Variants in COL5A2 observed in about 807,000 individuals in gnomAD.
COL5A2 encodes collagen type V alpha 2 chain.
COL5A2 carries 23 observed loss-of-function variants against 208.2 expected under a neutral mutation model. The observed-to-expected ratio is 0.11, with a 90% confidence interval of 0.08 to 0.16. The LOEUF is 0.16. Ranked by LOEUF, COL5A2 falls within the 10% of genes least tolerant of loss-of-function variation. COL5A2 has a pLI of 1.00. For missense variants in COL5A2, 1,590 were observed against 1,956.4 expected (o/e 0.81, Z 3.53); for synonymous variants, 625 against 628.5 (o/e 0.99, Z 0.08).
the COL5A2 span, among the ~76,000 whole-genome samples, chr2:189,387,044 G>C: frequency 1.3e-5 from 2 of 152,190 alleles, no homozygotes; most frequent in East Asian, 3.9e-4. Flanking sequence ...ATTCACAATA[G>C]CAAAAACATG....
intron 1 of COL5A2, among the ~76,000 whole-genome samples, chr2:189,166,373 T>C (rs7606163): frequency 0.99 from 150,716 of 152,150 alleles, 74,664 homozygotes; most frequent in Middle Eastern, 1. Flanking sequence ...AGGGACATTA[T>C]GGGCAGAGAA....
chr2:189,053,214 C>CTAATAAATAAAATT (rs1685829466), intron 38 of COL5A2, among the ~76,000 whole-genome samples, 196 bp from the exon 39 acceptor site: 1 of 152,076 alleles, frequency 6.6e-6, no homozygotes, highest in Non-Finnish European at 1.5e-5. Context: ...TATCCCACTG[C>CTAATAAATAAAATT]ATTTTTATTT....
At chr2:189,383,824 C>A in the COL5A2 span, among the ~76,000 whole-genome samples, 2 of 151,858 alleles carry the variant, frequency 1.3e-5, no homozygotes, top group Non-Finnish European at 2.9e-5. Flanking sequence ...ACTATCGTTG[C>A]CCTATTGCAC....
In COL5A2 at chr2:189,204,724, G is replaced by A. The variant is rs370690329; in HGVS notation, c.-42+20424C>T. 5.3e-5 allele frequency among the ~76,000 whole-genome samples: 8 copies of A among 152,176 alleles called. No homozygotes were observed. In the East Asian group the frequency reaches 5.8e-4, roughly 11 times the overall value. On this transcript the variant is annotated intron_variant, in intron 1 of 10. Coordinates refer to the COL5A2 transcript ENST00000649966. Reference sequence around the variant, plus strand: ...CCATCCTGTGGCTTAACTCCTGATTGATTCATGTGACTGCCTGGAGGATTG... The same window carrying A: ...CCATCCTGTGGCTTAACTCCTGATTAATTCATGTGACTGCCTGGAGGATTG...
the COL5A2 span, among the ~76,000 whole-genome samples, chr2:189,334,738 T>C: frequency 6.6e-6 from 1 of 151,966 alleles, no homozygotes; most frequent in Non-Finnish European, 1.5e-5. Flanking sequence ...TTTCTAAAAT[T>C]TGTATTGAAC....
chr2:189,303,258 G>C, the COL5A2 span, among the ~76,000 whole-genome samples: 2 of 152,098 alleles, frequency 1.3e-5, no homozygotes, highest in African/African-American at 4.8e-5. Context: ...GGAAATCCTA[G>C]ACATTCCTCC....
intron 17 of COL5A2, among the ~76,000 whole-genome samples, chr2:189,073,452 C>G (rs1286916380): frequency 6.6e-6 from 1 of 152,012 alleles, no homozygotes; most frequent in East Asian, 1.9e-4. Context: ...CATTGATGAC[C>G]CTGTGAAATC....
the COL5A2 span, among the ~76,000 whole-genome samples, chr2:189,263,792 A>C: frequency 6.6e-6 from 1 of 152,154 alleles, no homozygotes; most frequent in South Asian, 2.1e-4. Flanking sequence ...AACATGCTGT[A>C]AGGTTTGTAT....
the COL5A2 span, among the ~76,000 whole-genome samples, chr2:189,323,841 C>G: frequency 3.3e-5 from 5 of 151,966 alleles, no homozygotes; most frequent in Admixed American, 6.6e-5. Flanking sequence ...CATATGGAAC[C>G]AAAAAAGAGC....
At chr2:189,171,087 A>G (rs1688564540) in intron 1 of COL5A2, among the ~76,000 whole-genome samples, 1 of 151,936 alleles carries the variant, frequency 6.6e-6, no homozygotes, top group South Asian at 2.1e-4. Flanking sequence ...GACAGTAGAG[A>G]ATGAAAGGGG....
the COL5A2 span, among the ~76,000 whole-genome samples, chr2:189,336,068 A>G: frequency 1.3e-5 from 2 of 152,306 alleles, no homozygotes; most frequent in East Asian, 3.9e-4. Flanking sequence ...CAAAAAATTA[A>G]AAATGGGTAG....
chr2:189,075,127 A>C (rs571146152), intron 17 of COL5A2, among the ~76,000 whole-genome samples: 2 of 152,266 alleles, frequency 1.3e-5, no homozygotes, highest in Admixed American at 1.3e-4. Context: ...TTATATATTA[A>C]ATACTTATCT....
intron 2 of COL5A2, among the ~76,000 whole-genome samples, chr2:189,104,717 C>G (rs1213606846): frequency 6.6e-6 from 1 of 151,782 alleles, no homozygotes; most frequent in East Asian, 1.9e-4. Flanking sequence ...CCTATTTCCA[C>G]TTTACCCCCA....
At chr2:189,308,944 TATTTG>T in the COL5A2 span, among the ~76,000 whole-genome samples, 1 of 152,354 alleles carries the variant, frequency 6.6e-6, no homozygotes, top group African/African-American at 2.4e-5. Flanking sequence ...TGCTCACTCA[TATTTG>T]ACTCAGAATA....
At chr2:189,232,044 C>A in the COL5A2 span, among the ~76,000 whole-genome samples, 2 of 151,694 alleles carry the variant, frequency 1.3e-5, no homozygotes, top group African/African-American at 4.8e-5. Flanking sequence ...AGAATGGTTC[C>A]TTGGTGGAAG....
rs757694096 is a variant in COL5A2 at position 189,084,026 on chromosome 2, G to A, written c.810C>T (p.Gly270=). 6.2e-7 allele frequency: 1 copy of A among 1,613,016 alleles called. No individual in the cohort carries two copies. The highest frequency in any genetic ancestry group is 1.1e-5 in the South Asian group (1 of 91,062). Reference sequence around the variant, plus strand: ...CCACTTCACCAGGATTTCCATTTCTGCCAGGTTCACCCTTTATGGAAAAAA... The same window carrying A: ...CCACTTCACCAGGATTTCCATTTCTACCAGGTTCACCCTTTATGGAAAAAA... ...PGKPGEDGEP[G]RNGNPGEVGF... Residue 270 remains glycine, a synonymous_variant, in exon 12 of 54, where the codon GGC becomes GGT. Transcript: ENST00000374866.
At chr2:189,078,642 C>T in intron 15 of COL5A2, 73 bp from the exon 16 acceptor site, 1 of 1,184,170 alleles carries the variant, frequency 8.4e-7, no homozygotes, top group Non-Finnish European at 1.3e-6. Context: ...CTACCCCACT[C>T]AATCCAATTG....
At chr2:189,047,559 C>T (rs1381798199) in intron 45 of COL5A2, among the ~76,000 whole-genome samples, 3 of 152,152 alleles carry the variant, frequency 2.0e-5, no homozygotes, top group Non-Finnish European at 1.5e-5. Context: ...GATTACACAG[C>T]TAATTACTTA....
At chr2:189,154,342 A>G (rs1266170683) in intron 1 of COL5A2, among the ~76,000 whole-genome samples, 1 of 152,212 alleles carries the variant, frequency 6.6e-6, no homozygotes, top group African/African-American at 2.4e-5. Context: ...AAATTTATTC[A>G]CAGGACTTAA....
Sources: allele counts gnomAD v4.1 joint callset (sites outside exome capture counted in the v4.1 genomes callset), GRCh38; gene constraint gnomAD v4.1.1; transcripts MANE v1.5; gene names NCBI Gene and HGNC (gene_info 2026-07-23, HGNC 2026-07-21).